The following CUL9 variants were observed in gnomAD, a reference collection of about 807,000 sequenced individuals.
CUL9 encodes cullin 9.
A neutral mutation model predicts 272.6 loss-of-function variants in CUL9; 79 were observed. That is an observed-to-expected ratio of 0.29 (90% CI 0.24 to 0.35). CUL9 has a LOEUF of 0.35. Ranked by LOEUF, CUL9 falls within the 10% of genes least tolerant of loss-of-function variation. The pLI, the probability that CUL9 is intolerant of heterozygous loss-of-function variation, is 1.00. For synonymous variants in CUL9, 1,186 were observed against 1,286.5 expected (o/e 0.92, Z 1.67); for missense variants, 2,532 against 3,255.6 (o/e 0.78, Z 5.41).
At chr6:43,210,755 CAAT>C (rs1775409187) in intron 26 of CUL9, among the ~76,000 whole-genome samples, 1 of 151,950 alleles carries the variant, frequency 6.6e-6, no homozygotes, top group East Asian at 1.9e-4. Flanking sequence ...ATAATAAACT[CAAT>C]GAATTAATTT....
rs570151973 is a variant in CUL9 at position 43,198,541 on chromosome 6, A to G, written c.2804-68A>G. 3.8e-5 allele frequency: 60 copies of G among 1,578,952 alleles called. No individual in the cohort carries two copies. The Middle Eastern group carries it at 5.1e-4, about 13-fold the overall frequency. Reference sequence around the variant, plus strand: ...TTGGGGTGATTTTCTGGACCTTCCCAGTTCTCAGTTTGACAAACTGGTAAG... The same window carrying G: ...TTGGGGTGATTTTCTGGACCTTCCCGGTTCTCAGTTTGACAAACTGGTAAG... On this transcript the variant is annotated intron_variant, in intron 11 of 40. Transcript: ENST00000252050.
Position 43,204,845 on chromosome 6 carries a change from G to C in CUL9, c.4437G>C (p.Val1479=). The C allele has an allele frequency of 1.2e-6, 2 of 1,614,244 alleles. No homozygotes were observed. Among genetic ancestry groups the C allele is most frequent in the Non-Finnish European group, 1.7e-6 (2 of 1,180,044 alleles). The part of the protein sequence containing the change: ...LRNITQCWLS[V]VQEQVSRFLA... ...ACATAACCCAGTGCTGGCTGAGCGT[G>C]GTGCAGGAGCAGGTGGGCAGAAGCA... Residue 1479 remains valine, a synonymous_variant, in exon 22 of 41, where the codon GTG becomes GTC. Transcript: ENST00000252050.
chr6:43,207,978 T>G (rs917395219), intron 26 of CUL9, among the ~76,000 whole-genome samples: 1 of 152,224 alleles, frequency 6.6e-6, no homozygotes, highest in Non-Finnish European at 1.5e-5. Context: ...ATGGTGAATT[T>G]TTTAAAACCG....
Position 43,196,845 on chromosome 6 carries a change from G to A in CUL9, c.2786G>A (p.Gly929Asp), listed in dbSNP as rs1278489279. ...CTCAATCGCTACTCAGAGCCGCCGGGCAGCCCTGAGCGTGCAGGTACCATT... is the reference window on the plus strand; with the variant it reads ...CTCAATCGCTACTCAGAGCCGCCGGACAGCCCTGAGCGTGCAGGTACCATT... The part of the protein sequence containing the change: ...MLLNRYSEPP[G>D]SPERAALETP... The change falls in exon 11 of 41, where the codon GGC (glycine) becomes GAC (aspartate). Residue 929 changes from glycine to aspartate, a missense_variant. Transcript: ENST00000252050. 7.4e-6 allele frequency: 12 copies of A among 1,613,970 alleles called. No individual in the cohort carries two copies. The highest frequency in any genetic ancestry group is 1.6e-4 in the Middle Eastern group (1 of 6,084).
rs1364960889 is a variant in CUL9 at position 43,204,746 on chromosome 6, A to G, written c.4340-2A>G. 6.2e-7 allele frequency: 1 copy of G among 1,613,968 alleles called. No homozygotes were observed. Among genetic ancestry groups the G allele is most frequent in the Non-Finnish European group, 8.5e-7 (1 of 1,179,898 alleles). On this transcript the variant is annotated splice_acceptor_variant, in intron 21 of 40. Coordinates refer to ENST00000252050, the MANE Select transcript of CUL9 (RefSeq NM_015089.4). LOFTEE classifies it high-confidence loss of function. Reference sequence around the variant, plus strand: ...CCCTTCCTTCTCCCTCTGTCTCTACAGTCAGCAAGAACAGCAAGGGTCGGG... The same window carrying G: ...CCCTTCCTTCTCCCTCTGTCTCTACGGTCAGCAAGAACAGCAAGGGTCGGG...
chr6:43,193,993 C>T (rs1270868509), intron 9 of CUL9, among the ~76,000 whole-genome samples: 1 of 152,084 alleles, frequency 6.6e-6, no homozygotes, highest in Non-Finnish European at 1.5e-5. Context: ...TTGGGTAAAA[C>T]AAAGCCAGCA....
chr6:43,212,001 C>T (rs55763367), intron 26 of CUL9, among the ~76,000 whole-genome samples: 2,556 of 152,322 alleles, frequency 0.017, 63 homozygotes, highest in African/African-American at 0.057. Context: ...TAGGTTTCCA[C>T]CTCCCATTTT....
intron 20 of CUL9, 32 bp from the exon 21 acceptor site, chr6:43,204,328 T>C: frequency 6.2e-7 from 1 of 1,608,296 alleles, no homozygotes; most frequent in Non-Finnish European, 8.5e-7. Context: ...CCATCTCCCA[T>C]GGAGACCTGT....
chr6:43,216,186 C>T lies in CUL9; in HGVS notation c.5965C>T (p.Leu1989=), dbSNP rs1371752581. 9.9e-6 allele frequency: 16 copies of T among 1,612,002 alleles called. No individual in the cohort carries two copies. The highest frequency in any genetic ancestry group is 1.1e-5 in the Non-Finnish European group (13 of 1,178,366). The change falls in exon 31 of 41, where the codon CTA becomes TTA. Residue 1989 remains leucine, a synonymous_variant. Transcript: ENST00000252050. ...SPEAVATLAS[L]QLPAGRTMSP... is the part of the protein sequence containing the mutation. ...AGAAGCTGTGGCTACCCTGGCATCT[C>T]TACAGCTGCCTGCAGGCCGCACCAT...
chr6:43,205,193 C>A (rs1774951947), intron 23 of CUL9, 70 bp from the exon 24 acceptor site: 15 of 1,589,806 alleles, frequency 9.4e-6, no homozygotes, highest in Non-Finnish European at 1.0e-5. Context: ...CTTTCACCTC[C>A]TTTCGCTCCC....
intron 1 of CUL9, among the ~76,000 whole-genome samples, chr6:43,183,698 C>T (rs924517063): frequency 1.6e-5 from 2 of 121,998 alleles, no homozygotes; most frequent in African/African-American, 9.4e-5. Context: ...ACTCCCCTTC[C>T]TTCCTTTCTT....
Position 43,221,260 on chromosome 6 carries a change from C to G in CUL9, c.6691C>G (p.Leu2231Val). The G allele has an allele frequency of 6.2e-7, 1 of 1,611,720 alleles. No homozygotes were observed. The change falls in exon 34 of 41, where the codon CTC (leucine) becomes GTC (valine). Residue 2231 changes from leucine (L) to valine (V), a missense_variant. This residue lies in a region of CUL9 where 77 missense variants were observed against 161.1 expected (regional missense o/e 0.48). Coordinates refer to ENST00000252050, the MANE Select transcript of CUL9 (RefSeq NM_015089.4). This position sits in a 1 kb window ranked among gnomAD's most constrained non-coding sequence, Gnocchi z 4.2. Reference sequence around the variant, plus strand: ...GGCGCAGAGCAAGCACCTGGCCAAGCTCATCTCCAAGCGCTGTCCCAGCTG... The same window carrying G: ...GGCGCAGAGCAAGCACCTGGCCAAGGTCATCTCCAAGCGCTGTCCCAGCTG... ...VEAQSKHLAKLISKRCPSCQA... is the reference protein window; with the variant it reads ...VEAQSKHLAKVISKRCPSCQA...
chr6:43,203,162 C>G lies in CUL9; in HGVS notation c.3807C>G (p.Arg1269=). Reference sequence around the variant, plus strand: ...TGATCCTCTTGGAGAACCTGAACCGCTTCTGGCCCATCATCCAGATCCGCA... The same window carrying G: ...TGATCCTCTTGGAGAACCTGAACCGGTTCTGGCCCATCATCCAGATCCGCA... ...SRVILLENLN[R]FWPIIQIRIK... The change falls in exon 18 of 41, where the codon CGC becomes CGG. Residue 1269 remains arginine (R), a synonymous_variant. Coordinates refer to ENST00000252050, the MANE Select transcript of CUL9 (RefSeq NM_015089.4). The surrounding 1 kb of genome is among the most constrained non-coding windows in gnomAD (Gnocchi z 5.0). 1 of 1,614,112 alleles carries G rather than the reference C, an allele frequency of 6.2e-7. No individual in the cohort carries two copies. The highest frequency in any genetic ancestry group is 1.1e-5 in the South Asian group (1 of 91,084).
rs1307556696 is a variant in CUL9 at position 43,221,902 on chromosome 6, T to C, written c.6846+124T>C. On this transcript the variant is annotated intron_variant, in intron 35 of 40. Transcript: ENST00000252050. The surrounding 1 kb of genome is among the most constrained non-coding windows in gnomAD (Gnocchi z 4.2). ...GCATTCTAGCTGTTGGGATAGAGGC[T>C]CACTGTGGGGAAGACAGAGCCACCT... 1.1e-5 allele frequency: 9 copies of C among 832,534 alleles called. No homozygotes were observed. Among genetic ancestry groups the C allele is most frequent in the Admixed American group, 7.8e-5 (3 of 38,230 alleles). 51.6% of individuals were successfully genotyped at this position (832,534 alleles called of 1,614,324 possible). A position where few individuals can be genotyped will look rare whatever the true frequency, so the allele number is the denominator to read the frequency against.
chr6:43,196,890 G>T, intron 11 of CUL9, 28 bp downstream of exon 11: 1 of 1,588,500 alleles, frequency 6.3e-7, no homozygotes. Flanking sequence ...TGGTTTTGCA[G>T]AGGAATCACA....
At position 43,224,494 on chromosome 6, in the gene CUL9, G is replaced by A. The variant is rs1241180400; in HGVS notation, c.*49G>A. ...AGAGCAGCCCCAGAGTCACGGGGCT[G>A]AGGGGGCGGGAGCTGCCCCTGTCAT... On this transcript the variant is annotated 3_prime_UTR_variant, in exon 41 of 41. Coordinates refer to ENST00000252050, the MANE Select transcript of CUL9 (RefSeq NM_015089.4). This position sits in a 1 kb window ranked among gnomAD's most constrained non-coding sequence, Gnocchi z 4.2. The A allele has an allele frequency of 4.5e-6, 7 of 1,553,640 alleles. No individual in the cohort carries two copies. Among genetic ancestry groups the A allele is most frequent in the Non-Finnish European group, 6.1e-6 (7 of 1,144,270 alleles).
rs775259550 is a variant in CUL9, at chr6:43,184,544, G to C, written c.234G>C (p.Gly78=). The change falls in exon 2 of 41, where the codon GGG becomes GGC. Residue 78 remains glycine, a synonymous_variant. Transcript: ENST00000252050. The surrounding 1 kb of genome is among the most constrained non-coding windows in gnomAD (Gnocchi z 4.8). The stretch of plus-strand genomic sequence containing the variant: ...CTGAGGTCTACGCCAACTGCCCTGG[G>C]CTGTTAGGTGAGCGGGCACTATCTA... ...SAPEVYANCP[G]LLGERALSKG... is the part of the protein sequence containing the mutation. 1.2e-6 allele frequency: 2 copies of C among 1,613,026 alleles called. No individual in the cohort carries two copies. The highest frequency in any genetic ancestry group is 1.7e-5 in the Admixed American group (1 of 59,970).
In CUL9 at chr6:43,193,097, G is replaced by A. The variant is rs1371705382; in HGVS notation, c.2277G>A (p.Met759Ile). The A allele has an allele frequency of 8.7e-6, 14 of 1,614,210 alleles. No individual in the cohort carries two copies. The highest frequency in any genetic ancestry group is 1.2e-5 in the Non-Finnish European group (14 of 1,180,038). ...CCCTGCGCCTCCTTTACCTGCTCAT[G>A]ACCAAGCACGAGTGGCGGCCGCTCT... ...VQALRLLYLL[M>I]TKHEWRPLFA... is the part of the protein sequence containing the mutation. Residue 759 changes from methionine to isoleucine, a missense_variant, in exon 9 of 41, where the codon ATG becomes ATA. Physicochemically the swap from Met to Ile is conservative, Grantham distance 10. Around this residue, in one of 3 missense-constraint regions of CUL9, gnomAD observed 2,218 missense variants for 2,788.6 expected, o/e 0.80. Transcript: ENST00000252050.
chr6:43,202,899 C>A, intron 17 of CUL9, 78 bp downstream of exon 17: 1 of 1,420,376 alleles, frequency 7.0e-7, no homozygotes, highest in South Asian at 1.2e-5. Flanking sequence ...GGACCTAGTC[C>A]CTGGGGAATG....
Sources: gnomAD v4.1 joint callset for allele counts (sites outside exome capture counted in the v4.1 genomes callset) on GRCh38, gnomAD v4.1.1 for gene constraint, gnomAD v4.1.1 regional missense constraint, Gnocchi (gnomAD v3.1) non-coding constraint, MANE v1.5 for transcripts, NCBI Gene and HGNC (gene_info 2026-07-23, HGNC 2026-07-21) for gene names.